Variants in ARHGAP6 observed in about 807,000 individuals in gnomAD.
ARHGAP6 encodes rho GTPase-activating protein 6.
In ARHGAP6, 16 loss-of-function variants were observed where a neutral mutation model predicts 55.7. That is an observed-to-expected ratio of 0.29 (90% CI 0.19 to 0.44). The LOEUF is 0.44. Among genes scored for constraint, ARHGAP6 ranks in the 20% least tolerant of loss-of-function variants. ARHGAP6 has a pLI of 1.00. For synonymous variants in ARHGAP6, 382 were observed against 360.9 expected (o/e 1.06, Z -0.66); for missense variants, 698 against 808.9 (o/e 0.86, Z 1.66).
At chrX:11,359,512 G>T (rs111340977) in intron 1 of ARHGAP6, among the ~76,000 whole-genome samples, 1 of 111,753 alleles carries the variant, frequency 8.9e-6, no homozygotes, top group Non-Finnish European at 1.9e-5. Context: ...ATAATAAAAG[G>T]CTTGCTAAAA....
At chrX:11,628,655 T>C (rs2052326699) in intron 1 of ARHGAP6, among the ~76,000 whole-genome samples, 1 of 112,262 alleles carries the variant, frequency 8.9e-6, no homozygotes, top group Non-Finnish European at 1.9e-5. Flanking sequence ...AGAATAATAA[T>C]AGCCATTTCC....
chrX:11,201,989 CTGTGTGTGTGTGTGTGTGTGTGTGTG>C (rs56023548), intron 2 of ARHGAP6, among the ~76,000 whole-genome samples: 2 of 65,541 alleles, frequency 3.1e-5, no homozygotes, highest in East Asian at 1.3e-3. Flanking sequence ...GCATCTGGAT[CTGTGTGTGTGTGTGTGTGTGTGTGTG>C]TGTGTGTGTG....
chrX:11,176,218 G>T (rs1478097502), intron 8 of ARHGAP6, among the ~76,000 whole-genome samples: 1 of 68,350 alleles, frequency 1.5e-5, no homozygotes, highest in Non-Finnish European at 2.6e-5. Flanking sequence ...TCTTTTGCCT[G>T]TTAAGAGGAT....
chrX:11,352,189 T>C (rs1217309206), intron 1 of ARHGAP6, among the ~76,000 whole-genome samples: 2 of 111,879 alleles, frequency 1.8e-5, no homozygotes, highest in Non-Finnish European at 3.8e-5. Context: ...AGCAAAGAGG[T>C]AGTTTGGTAA....
intron 1 of ARHGAP6, among the ~76,000 whole-genome samples, chrX:11,635,622 C>G (rs1270949843): frequency 9.0e-6 from 1 of 111,210 alleles, no homozygotes; most frequent in Non-Finnish European, 1.9e-5. Flanking sequence ...TAAATGGGTA[C>G]TCAGGCCATA....
At chrX:11,356,820 A>G (rs1296636410) in intron 1 of ARHGAP6, among the ~76,000 whole-genome samples, 3 of 112,015 alleles carry the variant, frequency 2.7e-5, no homozygotes, top group African/African-American at 9.7e-5. Flanking sequence ...TTCTAGAAGA[A>G]TTACATCCAT....
chrX:11,261,939 A>G (rs920006790), intron 1 of ARHGAP6, among the ~76,000 whole-genome samples: 1 of 112,113 alleles, frequency 8.9e-6, no homozygotes, highest in African/African-American at 3.2e-5. Context: ...TACAGTGCAG[A>G]AGTTGAGAAA....
chrX:11,662,946 G>T (rs1211857395), intron 1 of ARHGAP6, among the ~76,000 whole-genome samples: 1 of 111,642 alleles, frequency 9.0e-6, no homozygotes, highest in Non-Finnish European at 1.9e-5. Flanking sequence ...GAGTTCCCTG[G>T]TTTGGAGGTA....
At chrX:11,433,921 A>G (rs2049963572) in intron 1 of ARHGAP6, among the ~76,000 whole-genome samples, 1 of 112,506 alleles carries the variant, frequency 8.9e-6, no homozygotes, top group African/African-American at 3.2e-5. Flanking sequence ...TTTGCAGGTC[A>G]TTCCAGTATG....
At chrX:11,411,329 A>G (rs1260330786) in intron 1 of ARHGAP6, among the ~76,000 whole-genome samples, 1 of 103,632 alleles carries the variant, frequency 9.6e-6, no homozygotes, top group Non-Finnish European at 2.0e-5. Context: ...ATGAACATAT[A>G]TTTATAGGAA....
At chrX:11,449,567 G>A (rs1394834214) in intron 1 of ARHGAP6, among the ~76,000 whole-genome samples, 1 of 112,223 alleles carries the variant, frequency 8.9e-6, no homozygotes, top group African/African-American at 3.2e-5. Context: ...TTTGGGCTAC[G>A]CTGCCCCTGT....
At chrX:11,355,519 G>C (rs1331918271) in intron 1 of ARHGAP6, among the ~76,000 whole-genome samples, 1 of 112,501 alleles carries the variant, frequency 8.9e-6, no homozygotes, top group African/African-American at 3.2e-5. Flanking sequence ...GATTTCAAAT[G>C]ACAGAATGAG....
At chrX:11,457,193 A>G (rs1253911014) in intron 1 of ARHGAP6, among the ~76,000 whole-genome samples, 2 of 111,955 alleles carry the variant, frequency 1.8e-5, no homozygotes, top group Admixed American at 1.9e-4. Context: ...GTTAGAAGAC[A>G]TGAGACACCT....
intron 1 of ARHGAP6, among the ~76,000 whole-genome samples, chrX:11,353,122 G>GA (rs996654476): frequency 8.9e-6 from 1 of 111,768 alleles, no homozygotes; most frequent in African/African-American, 3.3e-5. Context: ...TGTTGGTTGT[G>GA]AAAAACAACA....
intron 1 of ARHGAP6, among the ~76,000 whole-genome samples, chrX:11,562,655 A>AT (rs1423476428): frequency 2.3e-4 from 25 of 109,216 alleles, no homozygotes; most frequent in Admixed American, 8.8e-4. Context: ...AAAAAAAAAA[A>AT]CTTCTTGCCA....
In ARHGAP6 at chrX:11,288,433, T is replaced by C. The variant is rs375108495; in HGVS notation, c.589-33726A>G. Among the ~76,000 whole-genome samples, 9 of 112,448 alleles carry C rather than the reference T, an allele frequency of 8.0e-5. No individual in the cohort carries two copies. In the East Asian group the frequency reaches 2.5e-3, roughly 31 times the overall value. On this transcript the variant is annotated intron_variant, in intron 1 of 12. Transcript: ENST00000337414. ...CTTTTAATCTATATTTTACATAATGTATAAAGGCTGTACATTTTTTGAGGG... is the reference window on the plus strand; with the variant it reads ...CTTTTAATCTATATTTTACATAATGCATAAAGGCTGTACATTTTTTGAGGG...
At chrX:11,622,253 T>C (rs1349747596) in intron 1 of ARHGAP6, among the ~76,000 whole-genome samples, 1 of 111,934 alleles carries the variant, frequency 8.9e-6, no homozygotes, top group East Asian at 2.8e-4. Flanking sequence ...GCTGCTTCAC[T>C]CTCAGAAATG....
At chrX:11,523,295 A>C (rs1488930445) in intron 1 of ARHGAP6, among the ~76,000 whole-genome samples, 2 of 110,932 alleles carry the variant, frequency 1.8e-5, no homozygotes, top group African/African-American at 6.6e-5. Flanking sequence ...ATGGGCAAAA[A>C]CTGGAAGCAT....
intron 1 of ARHGAP6, among the ~76,000 whole-genome samples, chrX:11,383,938 T>C (rs2049292993): frequency 9.0e-6 from 1 of 110,664 alleles, no homozygotes; most frequent in African/African-American, 3.3e-5. Context: ...ATACACACAG[T>C]TTTCCTGATT....
Sources: allele counts gnomAD v4.1 joint callset (sites outside exome capture counted in the v4.1 genomes callset), GRCh38; gene constraint gnomAD v4.1.1; transcripts MANE v1.5; gene names NCBI Gene and HGNC (gene_info 2026-07-23, HGNC 2026-07-21).